ARHGAP10: variants seen among roughly 807,000 people sequenced by gnomAD.
ARHGAP10 encodes the protein Rho GTPase activating protein 10, also known as rho GTPase-activating protein 10.
In ARHGAP10, 87 loss-of-function variants were observed where a neutral mutation model predicts 108.6. The ratio of observed to expected loss-of-function variants is 0.80; its 90% CI spans 0.67 to 0.96. ARHGAP10 has a LOEUF of 0.96. ARHGAP10 is among the 40% of genes least tolerant of loss of function. The pLI, the probability that ARHGAP10 is intolerant of heterozygous loss-of-function variation, is 0.00. For synonymous variants in ARHGAP10, 347 were observed against 341.1 expected (o/e 1.02, Z -0.19); for missense variants, 939 against 954.5 (o/e 0.98, Z 0.21).
chr4:147,747,647 G>GT (rs140050359), intron 1 of ARHGAP10, among the ~76,000 whole-genome samples: 13,850 of 152,110 alleles, frequency 0.091, 1,625 homozygotes, highest in African/African-American at 0.27. Context: ...TTGGTGTCCT[G>GT]TTTTTTTGTG....
At chr4:147,923,318 C>G (rs1737323745) in intron 13 of ARHGAP10, among the ~76,000 whole-genome samples, 2 of 152,198 alleles carry the variant, frequency 1.3e-5, no homozygotes, top group South Asian at 4.1e-4. Flanking sequence ...AGCCGCCCCC[C>G]ATGAGCAGTG....
intron 13 of ARHGAP10, among the ~76,000 whole-genome samples, chr4:147,930,477 A>G (rs1184179581): frequency 6.6e-6 from 1 of 152,236 alleles, no homozygotes; most frequent in Admixed American, 6.5e-5. Context: ...CTGAAAAGAT[A>G]AGAAAGAACT....
intron 1 of ARHGAP10, among the ~76,000 whole-genome samples, chr4:147,777,627 G>C (rs72955506): frequency 6.6e-6 from 1 of 151,980 alleles, no homozygotes; most frequent in Admixed American, 6.6e-5. Context: ...CCTGTCAGAC[G>C]GTCAGATCTC....
intron 19 of ARHGAP10, among the ~76,000 whole-genome samples, chr4:148,035,837 A>AT (rs1423547829): frequency 2.0e-5 from 3 of 152,078 alleles, no homozygotes; most frequent in African/African-American, 7.2e-5. Context: ...CTTAAGGAAG[A>AT]TTTTCTGATC....
chr4:147,764,724 G>A (rs781193160), intron 1 of ARHGAP10, among the ~76,000 whole-genome samples: 3 of 151,802 alleles, frequency 2.0e-5, no homozygotes, highest in African/African-American at 4.8e-5. Flanking sequence ...TAGTAGAGAC[G>A]GAGTTTCGCT....
chr4:148,004,320 GAAAC>G (rs1240949232), intron 18 of ARHGAP10, among the ~76,000 whole-genome samples: 1 of 152,184 alleles, frequency 6.6e-6, no homozygotes, highest in Non-Finnish European at 1.5e-5. Flanking sequence ...GCAAAAGTCA[GAAAC>G]AAATAGTCTT....
intron 20 of ARHGAP10, 114 bp from the exon 21 acceptor site, chr4:148,063,034 G>A (rs1729690936): frequency 3.8e-6 from 5 of 1,307,410 alleles, no homozygotes; most frequent in Non-Finnish European, 5.4e-6. Context: ...TGTCCCTACT[G>A]GTCAGGCATG....
At chr4:147,868,129 T>C (rs1734643851) in intron 7 of ARHGAP10, among the ~76,000 whole-genome samples, 1 of 152,148 alleles carries the variant, frequency 6.6e-6, no homozygotes, top group Non-Finnish European at 1.5e-5. Context: ...GGTATGACTA[T>C]AATGTGACAA....
chr4:147,916,576 T>G lies in ARHGAP10; in HGVS notation c.1228+3437T>G, dbSNP rs564283363. On this transcript the variant is annotated intron_variant, in intron 13 of 22. Transcript: ENST00000336498. Reference sequence around the variant, plus strand: ...AACTGGAGAACTGGCAGTGCCCAGATTATTCACAGGACAAATACTCAGGAA... The same window carrying G: ...AACTGGAGAACTGGCAGTGCCCAGAGTATTCACAGGACAAATACTCAGGAA... 3.3e-5 allele frequency: 5 copies of G among 152,356 alleles called. No individual in the cohort carries two copies. The East Asian group carries it at 7.7e-4, about 24-fold the overall frequency. 9.4% of individuals were successfully genotyped at this position (152,356 alleles called of 1,614,324 possible). A position where few individuals can be genotyped will look rare whatever the true frequency, so the allele number is the denominator to read the frequency against.
chr4:148,057,759 G>A (rs1729424550), intron 20 of ARHGAP10, among the ~76,000 whole-genome samples: 1 of 152,218 alleles, frequency 6.6e-6, no homozygotes, highest in Non-Finnish European at 1.5e-5. Context: ...ATGGCTCTCA[G>A]TGCCTGTATT....
intron 18 of ARHGAP10, among the ~76,000 whole-genome samples, chr4:148,008,583 A>G (rs959489790): frequency 1.3e-5 from 2 of 151,868 alleles, no homozygotes; most frequent in African/African-American, 4.8e-5. Flanking sequence ...CAGTCCCCAA[A>G]TGCTAATAGT....
In ARHGAP10 at chr4:147,871,380, G is replaced by T. The variant is rs548032569; in HGVS notation, c.703-3641G>T. On this transcript the variant is annotated intron_variant, in intron 7 of 22. Transcript: ENST00000336498. ...CCCTTTTGTTTTTGCCCCCCAAGTAGGACTATTCGTGTCCGTCTCTCTATT... is the reference window on the plus strand; with the variant it reads ...CCCTTTTGTTTTTGCCCCCCAAGTATGACTATTCGTGTCCGTCTCTCTATT... Among the ~76,000 whole-genome samples the T allele has an allele frequency of 1.3e-3, 201 of 152,262 alleles. 3 individuals carry two copies. In the Middle Eastern group the frequency reaches 0.027, roughly 21 times the overall value.
intron 1 of ARHGAP10, among the ~76,000 whole-genome samples, chr4:147,770,356 C>G (rs1223162499): frequency 6.6e-6 from 1 of 152,094 alleles, no homozygotes; most frequent in Non-Finnish European, 1.5e-5. Context: ...GAAACCCTGT[C>G]TCTACTAAAA....
In ARHGAP10 at chr4:147,886,187, C is replaced by G. The variant is rs762086417; in HGVS notation, c.1034+4255C>G. ...TCCAAAAAAAATTGAAATCCAGAAC[C>G]CTTCTCATTGCAAGCATTTTGGATA... On this transcript the variant is annotated intron_variant, in intron 10 of 22. Coordinates refer to ENST00000336498, the MANE Select transcript of ARHGAP10 (RefSeq NM_024605.4). 1.2e-4 allele frequency among the ~76,000 whole-genome samples: 18 copies of G among 151,996 alleles called. No individual in the cohort carries two copies. In the South Asian group the frequency reaches 1.7e-3, roughly 14 times the overall value.
intron 18 of ARHGAP10, among the ~76,000 whole-genome samples, chr4:148,000,208 G>A (rs112235378): frequency 0.14 from 21,188 of 151,846 alleles, 2,306 homozygotes; most frequent in African/African-American, 0.31. Context: ...ATAGTTTGCT[G>A]AGAAGGATGG....
intron 10 of ARHGAP10, among the ~76,000 whole-genome samples, chr4:147,886,385 T>C (rs1430498084): frequency 2.0e-5 from 3 of 152,206 alleles, no homozygotes; most frequent in Non-Finnish European, 2.9e-5. Flanking sequence ...GTTCATTCCT[T>C]AGACTTTGTC....
chr4:148,025,009 G>A (rs769555220), intron 19 of ARHGAP10, among the ~76,000 whole-genome samples: 21 of 152,270 alleles, frequency 1.4e-4, no homozygotes, highest in East Asian at 7.7e-4. Context: ...TTAGGATCAC[G>A]TCTACTATTT....
At chr4:147,798,236 A>C (rs1356050900) in intron 1 of ARHGAP10, among the ~76,000 whole-genome samples, 10 of 151,466 alleles carry the variant, frequency 6.6e-5, no homozygotes, top group Admixed American at 6.6e-4. Flanking sequence ...TTCTCTGATC[A>C]TGGCAGCCCA....
rs373713688 is a variant in ARHGAP10, at chr4:147,765,346, G to GT, written c.154+32891_154+32892insT. On this transcript the variant is annotated intron_variant, in intron 1 of 22. Coordinates refer to ENST00000336498, the MANE Select transcript of ARHGAP10 (RefSeq NM_024605.4). Reference sequence around the variant, plus strand: ...GTGGTGTGTGTGTGTGTGGGGGGGGGGGTGTGAGTGTGTGTATTTCAATGT... The same window carrying GT: ...GTGGTGTGTGTGTGTGTGGGGGGGGGTGGTGTGAGTGTGTGTATTTCAATGT... 1.8e-4 allele frequency among the ~76,000 whole-genome samples: 27 copies of GT among 146,724 alleles called. 2 individuals carry two copies. Among genetic ancestry groups the GT allele is most frequent in the African/African-American group, 4.8e-4 (19 of 39,904 alleles).
Sources: allele counts gnomAD v4.1 joint callset (sites outside exome capture counted in the v4.1 genomes callset), GRCh38; gene constraint gnomAD v4.1.1; transcripts MANE v1.5; gene names NCBI Gene and HGNC (gene_info 2026-07-23, HGNC 2026-07-21).